Variants in CALN1 observed in about 807,000 individuals in gnomAD.
The protein encoded by CALN1 is calcium-binding protein 8.
In CALN1, 17 loss-of-function variants were observed where a neutral mutation model predicts 30.6. The observed-to-expected ratio is 0.56, with a 90% confidence interval of 0.38 to 0.83. CALN1 has a LOEUF of 0.83. CALN1 is among the 40% of genes least tolerant of loss of function. The pLI is 0.00. For missense variants in CALN1, 291 were observed against 354.9 expected (o/e 0.82, Z 1.45); for synonymous variants, 156 against 131.4 (o/e 1.19, Z -1.28).
chr7:72,294,073 G>T (rs1286436595), intron 2 of CALN1, among the ~76,000 whole-genome samples: 3 of 152,108 alleles, frequency 2.0e-5, no homozygotes, highest in Non-Finnish European at 4.4e-5. Context: ...ACTCCAGCCT[G>T]GGCGACAGAG....
chr7:72,194,799 C>A (rs1179020301), intron 3 of CALN1, among the ~76,000 whole-genome samples: 1 of 151,772 alleles, frequency 6.6e-6, no homozygotes, highest in Non-Finnish European at 1.5e-5. Flanking sequence ...ACCATGTTGG[C>A]CAGGATGGTC....
intron 2 of CALN1, among the ~76,000 whole-genome samples, chr7:72,388,335 T>C (rs1262279835): frequency 6.6e-6 from 1 of 152,066 alleles, no homozygotes; most frequent in Non-Finnish European, 1.5e-5. Flanking sequence ...TGCCTGGACA[T>C]GGTCTCAGGA....
intron 5 of CALN1, among the ~76,000 whole-genome samples, chr7:71,945,936 G>A (rs774925149): frequency 4.6e-5 from 7 of 152,324 alleles, no homozygotes; most frequent in Non-Finnish European, 7.3e-5. Flanking sequence ...GTTGGGGACC[G>A]CTGCTCCAGA....
intron 5 of CALN1, among the ~76,000 whole-genome samples, chr7:71,811,140 G>A (rs573450168): frequency 4.6e-4 from 70 of 151,142 alleles, no homozygotes; most frequent in African/African-American, 1.6e-3. Flanking sequence ...CAAGTGATCC[G>A]CCCGCCTCGG....
In CALN1 at chr7:71,935,133, ATGT is replaced by A. The variant is rs780365100; in HGVS notation, c.501+88521_501+88523del. On this transcript the variant is annotated intron_variant, in intron 5 of 6. Coordinates refer to ENST00000395275, the MANE Select transcript of CALN1 (RefSeq NM_031468.4). ...TATCCAAACTGTAGCACTGGTGTAG[ATGT>A]TGTTGTCTAAGGATCTAGAGTAGAT... Among the ~76,000 whole-genome samples, 11 of 152,112 alleles carry A rather than the reference ATGT, an allele frequency of 7.2e-5. No homozygotes were observed. The South Asian group carries it at 8.3e-4, about 11-fold the overall frequency.
chr7:71,783,688 G>A lies in CALN1; in HGVS notation c.*4087C>T, dbSNP rs1445214264. ...ACGTGCAAAACTGTCTTTGATTTAT[G>A]ACCTGAGTCTGGACTTAAACCGAGT... On this transcript the variant is annotated 3_prime_UTR_variant, in exon 7 of 7. Transcript: ENST00000395275. 6.5e-6 allele frequency: 1 copy of A among 152,682 alleles called. No homozygotes were observed. Among genetic ancestry groups the A allele is most frequent in the East Asian group, 1.9e-4 (1 of 5,188 alleles). 9.5% of individuals were successfully genotyped at this position (152,682 alleles called of 1,614,324 possible). A position where few individuals can be genotyped will look rare whatever the true frequency, so the allele number is the denominator to read the frequency against.
intron 3 of CALN1, among the ~76,000 whole-genome samples, chr7:72,164,532 G>A (rs1788380443): frequency 6.6e-6 from 1 of 152,062 alleles, no homozygotes; most frequent in Admixed American, 6.6e-5. Context: ...GGTGTTAGAG[G>A]AACCACAGCC....
intron 4 of CALN1, among the ~76,000 whole-genome samples, chr7:72,029,329 A>C (rs1801291188): frequency 6.6e-6 from 1 of 151,998 alleles, no homozygotes. Context: ...GCCAGTGAAG[A>C]TTAGCCAATC....
intron 1 of CALN1, among the ~76,000 whole-genome samples, chr7:72,434,368 A>C (rs980166345): frequency 1.3e-5 from 2 of 151,466 alleles, no homozygotes. Flanking sequence ...AAAAACAAAA[A>C]AAAAATAGCT....
chr7:71,794,031 G>A (rs1259010435), intron 6 of CALN1, among the ~76,000 whole-genome samples: 1 of 152,172 alleles, frequency 6.6e-6, no homozygotes, highest in Non-Finnish European at 1.5e-5. Flanking sequence ...GCCTCAGCGG[G>A]TTGGGTACTG....
chr7:72,215,266 G>A (rs1792701317), intron 3 of CALN1, among the ~76,000 whole-genome samples: 1 of 152,060 alleles, frequency 6.6e-6, no homozygotes, highest in Admixed American at 6.6e-5. Context: ...AGGCAGAAAT[G>A]CAAACTTGCC....
chr7:71,877,858 G>C (rs2116788146), intron 5 of CALN1, among the ~76,000 whole-genome samples: 1 of 152,242 alleles, frequency 6.6e-6, no homozygotes, highest in South Asian at 2.1e-4. Context: ...ACTGATGAGG[G>C]GCATTGATTT....
At chr7:71,827,223 T>C (rs9691313) in intron 5 of CALN1, among the ~76,000 whole-genome samples, 115 of 152,062 alleles carry the variant, frequency 7.6e-4, no homozygotes, top group Non-Finnish European at 1.5e-3. Context: ...CATTGGTGGG[T>C]CCTCCGGCGG....
intron 3 of CALN1, among the ~76,000 whole-genome samples, chr7:72,141,533 G>C (rs912465546): frequency 1.3e-5 from 2 of 151,980 alleles, no homozygotes; most frequent in South Asian, 2.1e-4. Context: ...TTTTGTGTCC[G>C]AGGGCTCAAA....
In CALN1 at chr7:72,341,293, C is replaced by T. The variant is rs933165617; in HGVS notation, c.119+61958G>A. Reference sequence around the variant, plus strand: ...ATCCCAGCACTTTGGGAAGCCGAGGCGGGTGGATCACTTGAGGTCAGGGGT... The same window carrying T: ...ATCCCAGCACTTTGGGAAGCCGAGGTGGGTGGATCACTTGAGGTCAGGGGT... On this transcript the variant is annotated intron_variant, in intron 2 of 6. Transcript: ENST00000395275. Among the ~76,000 whole-genome samples, 7 of 152,270 alleles carry T rather than the reference C, an allele frequency of 4.6e-5. No individual in the cohort carries two copies. The East Asian group carries it at 9.7e-4, about 21-fold the overall frequency.
In CALN1 at chr7:71,875,701, G is replaced by A. The variant is rs141998834; in HGVS notation, c.502-65209C>T. Among the ~76,000 whole-genome samples the A allele has an allele frequency of 3.7e-3, 564 of 152,274 alleles. 3 individuals carry two copies. The highest frequency in any genetic ancestry group is 0.013 in the African/African-American group (540 of 41,562). ...GGTGAATAAGAAGCCACCTGTCACT[G>A]TCTTTCTAAAGTGAAAAAGAGGTGG... On this transcript the variant is annotated intron_variant, in intron 5 of 6. Coordinates refer to ENST00000395275, the MANE Select transcript of CALN1 (RefSeq NM_031468.4).
intron 2 of CALN1, among the ~76,000 whole-genome samples, chr7:72,337,940 A>G (rs946987444): frequency 3.9e-5 from 6 of 152,216 alleles, no homozygotes; most frequent in East Asian, 3.8e-4. Flanking sequence ...ACCTCTACTG[A>G]GTCTACGCCC....
chr7:72,454,731 G>A, the CALN1 span, among the ~76,000 whole-genome samples: 4,598 of 152,096 alleles, frequency 0.03, 156 homozygotes, highest in Non-Finnish European at 0.036. Context: ...CATCAAATGT[G>A]ATTTATTTGT....
At chr7:72,123,610 C>A (rs1251077866) in intron 3 of CALN1, among the ~76,000 whole-genome samples, 1 of 152,162 alleles carries the variant, frequency 6.6e-6, no homozygotes, top group Non-Finnish European at 1.5e-5. Context: ...GAGACTGGCT[C>A]ACGGAAGCTC....
Sources: gnomAD v4.1 joint callset for allele counts (sites outside exome capture counted in the v4.1 genomes callset) on GRCh38, gnomAD v4.1.1 for gene constraint, MANE v1.5 for transcripts, NCBI Gene and HGNC (gene_info 2026-07-23, HGNC 2026-07-21) for gene names.